Variants in HIP1 observed in about 807,000 individuals in gnomAD.
HIP1 encodes the protein huntingtin-interacting protein 1.
HIP1 carries 65 observed loss-of-function variants against 147.6 expected under a neutral mutation model. That is an observed-to-expected ratio of 0.44 (90% CI 0.36 to 0.54). The LOEUF is 0.54. Among genes scored for constraint, HIP1 ranks in the 20% least tolerant of loss-of-function variants. The pLI is 0.00. For missense variants in HIP1, 1,061 were observed against 1,299.6 expected, an observed-to-expected ratio of 0.82 and a Z score of 2.82; for synonymous variants, 479 against 504.0, an observed-to-expected ratio of 0.95 and a Z score of 0.67.
At chr7:75,606,153 G>A (rs1200091940) in intron 1 of HIP1, among the ~76,000 whole-genome samples, 1 of 152,062 alleles carries the variant, frequency 6.6e-6, no homozygotes, top group Non-Finnish European at 1.5e-5. Flanking sequence ...CCAGCCAGAA[G>A]CTATTTAATA....
intron 1 of HIP1, among the ~76,000 whole-genome samples, chr7:75,707,509 G>A (rs1465251737): frequency 9.0e-5 from 13 of 144,356 alleles, no homozygotes; most frequent in Admixed American, 3.5e-4. Flanking sequence ...ATTTGTTTGA[G>A]TTCATTGTAG....
rs1330208650 is a variant in HIP1 at position 75,664,098 on chromosome 7, G to GTA, written c.121-64852_121-64851insTA. ...TACACACACATATACACACATATGTGCATACATACATGTATGCATATATGC... is the reference window on the plus strand; with the variant it reads ...TACACACACATATACACACATATGTGTACATACATACATGTATGCATATATGC... On this transcript the variant is annotated intron_variant, in intron 1 of 30. Coordinates refer to ENST00000336926, the MANE Select transcript of HIP1 (RefSeq NM_005338.7). Among the ~76,000 whole-genome samples the GTA allele has an allele frequency of 4.3e-4, 16 of 37,224 alleles. 4 individuals are homozygous for GTA. The highest frequency in any genetic ancestry group is 2.1e-3 in the African/African-American group (15 of 7,064). 24.4% of individuals were successfully genotyped at this position (37,224 alleles called of 152,430 possible). A position where few individuals can be genotyped will look rare whatever the true frequency, so the allele number is the denominator to read the frequency against.
Position 75,623,470 on chromosome 7 carries a change from G to T in HIP1, c.121-24223C>A, listed in dbSNP as rs776392753. ...ATGGGGCCTGGTGCCCAGCAGGAGG[G>T]CAGGCTGGGCCAGATCCCACAGTAC... On this transcript the variant is annotated intron_variant, in intron 1 of 30. Coordinates refer to ENST00000336926, the MANE Select transcript of HIP1 (RefSeq NM_005338.7). Among the ~76,000 whole-genome samples, 3 of 152,334 alleles carry T rather than the reference G, an allele frequency of 2.0e-5. 1 individual carries two copies. Among genetic ancestry groups the T allele is most frequent in the Middle Eastern group, 6.8e-3 (2 of 294 alleles).
chr7:75,639,357 G>C (rs1406819198), intron 1 of HIP1: 1 of 233,900 alleles, frequency 4.3e-6, no homozygotes, highest in African/African-American at 2.3e-5. Flanking sequence ...CGGCGCGCCC[G>C]AGCCCCCGGG....
intron 9 of HIP1, among the ~76,000 whole-genome samples, chr7:75,564,540 C>T (rs147116251): frequency 3.3e-5 from 5 of 151,940 alleles, no homozygotes; most frequent in Admixed American, 3.3e-4. Context: ...GTGATCCGCC[C>T]GTCTCGGCCT....
At chr7:75,611,111 G>T (rs1554504819) in intron 1 of HIP1, among the ~76,000 whole-genome samples, 1 of 150,790 alleles carries the variant, frequency 6.6e-6, no homozygotes, top group Admixed American at 6.6e-5. Flanking sequence ...TAGAGACAGG[G>T]TTTTACCATG....
intron 1 of HIP1, among the ~76,000 whole-genome samples, chr7:75,616,606 GGAGGAGGAA>G (rs1563248047): frequency 2.0e-5 from 2 of 99,684 alleles, no homozygotes; most frequent in East Asian, 2.1e-4. Flanking sequence ...AGGAGGAGGA[GGAGGAGGAA>G]GAGGAGGAGG....
chr7:75,547,695 G>T, intron 24 of HIP1, 60 bp downstream of exon 24: 1 of 1,395,370 alleles, frequency 7.2e-7, no homozygotes, highest in South Asian at 1.2e-5. Context: ...GCAAAGTATA[G>T]ACCAATGTCA....
At chr7:75,593,834 C>A (rs1554501219) in intron 2 of HIP1, among the ~76,000 whole-genome samples, 1 of 152,020 alleles carries the variant, frequency 6.6e-6, no homozygotes, top group Non-Finnish European at 1.5e-5. Flanking sequence ...CAACACCCCA[C>A]TTCTTCCGTA....
chr7:75,713,737 C>T (rs1430110296), intron 1 of HIP1, among the ~76,000 whole-genome samples: 1 of 148,812 alleles, frequency 6.7e-6, no homozygotes, highest in Non-Finnish European at 1.5e-5. Flanking sequence ...CGCTCTGTTG[C>T]CCAGGCTGGA....
intron 1 of HIP1, among the ~76,000 whole-genome samples, chr7:75,716,728 G>C (rs1350443871): frequency 6.6e-6 from 1 of 151,310 alleles, no homozygotes; most frequent in African/African-American, 2.4e-5. Flanking sequence ...CACCGTGTTA[G>C]CCAGGATGGT....
chr7:75,632,266 C>T (rs1554509050), intron 1 of HIP1, among the ~76,000 whole-genome samples: 1 of 152,172 alleles, frequency 6.6e-6, no homozygotes, highest in East Asian at 1.9e-4. Context: ...TTAACGTCCT[C>T]ACCCAGGGGC....
chr7:75,657,755 G>C (rs777847904), intron 1 of HIP1, among the ~76,000 whole-genome samples: 12 of 152,016 alleles, frequency 7.9e-5, no homozygotes, highest in Non-Finnish European at 1.3e-4. Context: ...GAGGGAAGGA[G>C]GGGGAGAAAG....
intron 1 of HIP1, among the ~76,000 whole-genome samples, chr7:75,727,408 C>CTT (rs34320652): frequency 6.3e-5 from 9 of 143,270 alleles, no homozygotes; most frequent in African/African-American, 1.8e-4. Context: ...TTCTTTCTTT[C>CTT]TTTTTTTTTT....
intron 1 of HIP1, among the ~76,000 whole-genome samples, chr7:75,715,652 G>A (rs570669173): frequency 1.3e-5 from 2 of 150,972 alleles, no homozygotes; most frequent in South Asian, 2.1e-4. Context: ...GCAGGCACCT[G>A]TAATCCCAGC....
chr7:75,599,124 C>T, intron 2 of HIP1, 60 bp downstream of exon 2: 1 of 1,301,970 alleles, frequency 7.7e-7, no homozygotes, highest in Non-Finnish European at 1.1e-6. Flanking sequence ...GCCCTGACCT[C>T]AGTCCCCATG....
At chr7:75,645,256 C>T (rs1554510970) in intron 1 of HIP1, among the ~76,000 whole-genome samples, 1 of 151,822 alleles carries the variant, frequency 6.6e-6, no homozygotes, top group Non-Finnish European at 1.5e-5. Context: ...GACGAAGTTT[C>T]ACTCTTGTTC....
intron 26 of HIP1, 111 bp from the exon 27 acceptor site, chr7:75,544,911 T>C: frequency 1.3e-6 from 1 of 790,334 alleles, no homozygotes; most frequent in Non-Finnish European, 2.1e-6. Context: ...GAGGGGAGGC[T>C]GCCTGCCCTG....
chr7:75,559,707 GCCCCC>G lies in HIP1; in HGVS notation c.1375+20_1375+24del. 28 of 1,087,324 alleles carry G rather than the reference GCCCCC, an allele frequency of 2.6e-5. No homozygotes were observed. Among genetic ancestry groups the G allele is most frequent in the Non-Finnish European group, 3.0e-5 (25 of 824,076 alleles). The allele number at this position is 1,087,324 out of a possible 1,614,324, so 67.4% of individuals were successfully genotyped here. ...CTGCCCGCGCCTGCCCCCGGGGCCC[GCCCCC>G]GCCCCCACCCACCGCTCACTTTCTA... On this transcript the variant is annotated intron_variant, in intron 14 of 30. Transcript: ENST00000336926.
Sources: allele counts gnomAD v4.1 joint callset (sites outside exome capture counted in the v4.1 genomes callset), GRCh38; gene constraint gnomAD v4.1.1; transcripts MANE v1.5; gene names NCBI Gene and HGNC (gene_info 2026-07-23, HGNC 2026-07-21).